Variants in KRTAP4-6 observed in about 807,000 individuals in gnomAD.
KRTAP4-6 encodes keratin associated protein 4-6.
Under a neutral mutation model 3.6 loss-of-function variants are expected in KRTAP4-6, and 1 was observed. That is an observed-to-expected ratio of 0.28 (90% confidence interval 0.10 to 1.32). KRTAP4-6 has a LOEUF of 1.32. Ranked by LOEUF, KRTAP4-6 falls within the 40% of genes most tolerant of loss-of-function variation. The pLI, the probability that KRTAP4-6 is intolerant of heterozygous loss-of-function variation, is 0.45. For missense variants in KRTAP4-6, 275 were observed against 280.3 expected (o/e 0.98, Z 0.14); for synonymous variants, 97 against 96.7 (o/e 1.00, Z -0.02).
At position 41,140,390 on chromosome 17, in the gene KRTAP4-6, G is replaced by A. The variant is rs750953369; in HGVS notation, c.98C>T (p.Thr33Ile). 12 of 1,613,720 alleles carry A rather than the reference G, an allele frequency of 7.4e-6. No individual in the cohort carries two copies. In the East Asian group the frequency reaches 2.2e-4, roughly 30 times the overall value. The change falls in exon 1 of 1, where the codon ACC becomes ATC. Residue 33 changes from threonine to isoleucine, a missense_variant. By Grantham distance (89) the Thr-to-Ile change is moderately conservative. Coordinates refer to ENST00000345847, the Ensembl canonical transcript of KRTAP4-6. Reference sequence around the variant, plus strand: ...ACAGCAGCTGGGGCGGCAGCAGGTGGTCCTGCAGCAGGTGGTCTGACAGCA... The same window carrying A: ...ACAGCAGCTGGGGCGGCAGCAGGTGATCCTGCAGCAGGTGGTCTGACAGCA...
At chr17:41,139,932 G>T (rs760040552) in exon 1 of KRTAP4-6, 2 of 1,605,552 alleles carry the variant, frequency 1.2e-6, no homozygotes, top group Non-Finnish European at 8.5e-7. Context: ...CAGGTTGGGC[G>T]ATAGCAAGTG....
At chr17:41,139,836 G>A (rs2143951443) in exon 1 of KRTAP4-6, 1 of 1,547,708 alleles carries the variant, frequency 6.5e-7, no homozygotes, top group East Asian at 2.4e-5. Context: ...TGAGGAGTGA[G>A]CTGAAGGGGA....
chr17:41,140,528 G>A (rs745799217), upstream of KRTAP4-6: 4 of 1,566,602 alleles, frequency 2.6e-6, no homozygotes, highest in Non-Finnish European at 3.5e-6. Context: ...TTCCAAGAGA[G>A]TGAGTTTCGT....
chr17:41,140,093 G>C, exon 1 of KRTAP4-6: 2 of 1,459,510 alleles, frequency 1.4e-6, no homozygotes, highest in Non-Finnish European at 1.9e-6. Flanking sequence ...GCAGCACACA[G>C]ACTGGCAGCA....
rs913810846 is a variant in KRTAP4-6 at position 41,139,576 on chromosome 17, A to G, written c.*294T>C. ...CAACCTTGCCCCGAGTTACCCTGCA[A>G]GAATTTCCATGTTTGGGACAGAAGA... On this transcript the variant is annotated 3_prime_UTR_variant, in exon 1 of 1. Transcript: ENST00000345847. 54 of 488,184 alleles carry G rather than the reference A, an allele frequency of 1.1e-4. 1 individual carries two copies. In the South Asian group the frequency reaches 1.7e-3, roughly 16 times the overall value. The allele number at this position is 488,184 out of a possible 1,614,324, so 30.2% of individuals were successfully genotyped here. A position where few individuals can be genotyped will look rare whatever the true frequency, so the allele number is the denominator to read the frequency against.
At chr17:41,139,731 A>T (rs1054409495) in exon 1 of KRTAP4-6, 4 of 1,219,732 alleles carry the variant, frequency 3.3e-6, no homozygotes, top group African/African-American at 3.1e-5. Flanking sequence ...TATAGCCAGG[A>T]CATATATCCT....
At position 41,140,246 on chromosome 17, in the gene KRTAP4-6, C is replaced by T. The variant is rs541513264; in HGVS notation, c.242G>A (p.Arg81His). ...GCAGCTGGATACACAGCAGCTAGGGCGGCAGCAGGTGGTCCTGCAGCAGGT... is the reference window on the plus strand; with the variant it reads ...GCAGCTGGATACACAGCAGCTAGGGTGGCAGCAGGTGGTCCTGCAGCAGGT... The change falls in exon 1 of 1, where the codon CGC (arginine) becomes CAC (histidine). Residue 81 changes from arginine (R) to histidine (H), a missense_variant. Coordinates refer to ENST00000345847, the Ensembl canonical transcript of KRTAP4-6. 6.0e-5 allele frequency: 95 copies of T among 1,592,372 alleles called. No homozygotes were observed. Among genetic ancestry groups the T allele is most frequent in the South Asian group, 1.2e-4 (11 of 89,334 alleles).
exon 1 of KRTAP4-6, chr17:41,140,105 T>G: frequency 2.7e-6 from 4 of 1,457,544 alleles, no homozygotes; most frequent in Non-Finnish European, 3.7e-6. Flanking sequence ...CTGGCAGCAC[T>G]GGGACCTGCA....
chr17:41,140,104 C>T, exon 1 of KRTAP4-6: 1 of 1,457,704 alleles, frequency 6.9e-7, no homozygotes, highest in Non-Finnish European at 9.3e-7. Context: ...ACTGGCAGCA[C>T]TGGGACCTGC....
At chr17:41,139,686 A>C in exon 1 of KRTAP4-6, 2 of 912,354 alleles carry the variant, frequency 2.2e-6, no homozygotes, top group Non-Finnish European at 3.2e-6. Context: ...CTAATTTCAC[A>C]CTTGGGTCAA....
rs764908862 is a variant in KRTAP4-6 at position 41,140,108 on chromosome 17, G to T, written c.380C>A (p.Ser127Tyr). 3.1e-5 allele frequency: 45 copies of T among 1,458,184 alleles called. No individual in the cohort carries two copies. Among genetic ancestry groups the T allele is most frequent in the Non-Finnish European group, 4.0e-5 (43 of 1,075,672 alleles). The allele number at this position is 1,458,184 out of a possible 1,614,324, so 90.3% of individuals were successfully genotyped here. Residue 127 changes from serine to tyrosine, a missense_variant, in exon 1 of 1, where the codon TCC becomes TAC. Transcript: ENST00000345847. Reference sequence around the variant, plus strand: ...GCAGCACACAGACTGGCAGCACTGGGACCTGCAGCACCTGGACACACAGCA... The same window carrying T: ...GCAGCACACAGACTGGCAGCACTGGTACCTGCAGCACCTGGACACACAGCA...
At chr17:41,139,844 G>A (rs1189394291) in exon 1 of KRTAP4-6, 2 of 1,554,746 alleles carry the variant, frequency 1.3e-6, no homozygotes, top group South Asian at 2.4e-5. Flanking sequence ...GAGCTGAAGG[G>A]GAGGAGATAG....
Position 41,139,802 on chromosome 17 carries a change from T to C in KRTAP4-6, c.*68A>G, listed in dbSNP as rs913913361. The C allele has an allele frequency of 1.1e-5, 16 of 1,519,780 alleles. No individual in the cohort carries two copies. In the Admixed American group the frequency reaches 3.2e-4, roughly 31 times the overall value. The allele number at this position is 1,519,780 out of a possible 1,614,324, so 94.1% of individuals were successfully genotyped here. ...GGAATGGCCTCTTCTGAGTTGTTTA[T>C]GAGATGCACAAGGTCTGCTTCTGTG... On this transcript the variant is annotated 3_prime_UTR_variant, in exon 1 of 1. Coordinates refer to ENST00000345847, the Ensembl canonical transcript of KRTAP4-6.
chr17:41,139,638 T>G, exon 1 of KRTAP4-6: 1 of 691,526 alleles, frequency 1.4e-6, no homozygotes, highest in Non-Finnish European at 2.4e-6. Flanking sequence ...AGGTATAAAA[T>G]TTGGTAAATT....
At chr17:41,139,847 G>A (rs767598049) in exon 1 of KRTAP4-6, 1 of 1,556,970 alleles carries the variant, frequency 6.4e-7, no homozygotes, top group African/African-American at 1.4e-5. Context: ...CTGAAGGGGA[G>A]GAGATAGTTT....
chr17:41,139,649 C>A, exon 1 of KRTAP4-6: 1 of 753,314 alleles, frequency 1.3e-6, no homozygotes, highest in South Asian at 2.2e-5. Context: ...TTGGTAAATT[C>A]TATTAATTTC....
chr17:41,139,815 G>T, exon 1 of KRTAP4-6: 1 of 1,530,858 alleles, frequency 6.5e-7, no homozygotes, highest in East Asian at 2.5e-5. Context: ...GATGCACAAG[G>T]TCTGCTTCTG....
At chr17:41,139,992 G>A (rs776045940) in exon 1 of KRTAP4-6, 140 of 1,588,942 alleles carry the variant, frequency 8.8e-5, no homozygotes, top group African/African-American at 2.3e-4. Context: ...CAGCAGGGGC[G>A]GCAGCAGCAC....
rs752942868 is a variant in KRTAP4-6 at position 41,140,247 on chromosome 17, G to A, written c.241C>T (p.Arg81Cys). Residue 81 changes from arginine (R) to cysteine (C), a missense_variant, in exon 1 of 1, where the codon CGC becomes TGC. Physicochemically the swap from Arg to Cys is radical, Grantham distance 180. Coordinates refer to ENST00000345847, the Ensembl canonical transcript of KRTAP4-6. ...CAGCTGGATACACAGCAGCTAGGGC[G>A]GCAGCAGGTGGTCCTGCAGCAGGTG... The A allele has an allele frequency of 2.1e-5, 34 of 1,589,358 alleles. No individual in the cohort carries two copies. The highest frequency in any genetic ancestry group is 5.6e-5 in the African/African-American group (4 of 71,224).
Sources: allele counts gnomAD v4.1 joint callset, GRCh38; gene constraint gnomAD v4.1.1; transcripts MANE v1.5; gene names NCBI Gene and HGNC (gene_info 2026-07-23, HGNC 2026-07-21).